The following CACNA2D2 variants were observed in gnomAD, a reference collection of about 807,000 sequenced individuals.
CACNA2D2 encodes the protein calcium voltage-gated channel auxiliary subunit alpha2delta 2.
Under a neutral mutation model 166.4 loss-of-function variants are expected in CACNA2D2, and 48 were observed. The ratio of observed to expected loss-of-function variants is 0.29; its 90% CI spans 0.23 to 0.37. The LOEUF is 0.37. Ranked by LOEUF, CACNA2D2 falls within the 10% of genes least tolerant of loss-of-function variation. The pLI, the probability that CACNA2D2 is intolerant of heterozygous loss-of-function variation, is 1.00. For synonymous variants in CACNA2D2, 561 were observed against 573.7 expected (o/e 0.98, Z 0.32); for missense variants, 1,122 against 1,433.0 (o/e 0.78, Z 3.50).
chr3:50,463,305 C>CT (rs1385188648), intron 2 of CACNA2D2, among the ~76,000 whole-genome samples: 12,942 of 145,714 alleles, frequency 0.089, 704 homozygotes, highest in Non-Finnish European at 0.13. Context: ...CCAAATTTCT[C>CT]TTTTTTTTTT....
At chr3:50,484,934 G>A (rs927273007) in intron 1 of CACNA2D2, among the ~76,000 whole-genome samples, 3 of 152,228 alleles carry the variant, frequency 2.0e-5, no homozygotes, top group African/African-American at 7.2e-5. Flanking sequence ...AGCTTGCGGA[G>A]AGGTTGGCAG....
intron 4 of CACNA2D2, among the ~76,000 whole-genome samples, chr3:50,389,659 T>C (rs1198062034): frequency 6.6e-6 from 1 of 152,240 alleles, no homozygotes; most frequent in Non-Finnish European, 1.5e-5. Context: ...CCAGGGGCTC[T>C]GCTTCTCTAT....
chr3:50,398,222 C>A (rs935502035), intron 3 of CACNA2D2, among the ~76,000 whole-genome samples: 2 of 152,104 alleles, frequency 1.3e-5, no homozygotes, highest in Admixed American at 1.3e-4. Context: ...AAGTGCCTGT[C>A]CCCCTGGGAG....
At chr3:50,424,524 TC>T (rs1234316123) in intron 3 of CACNA2D2, among the ~76,000 whole-genome samples, 1 of 152,070 alleles carries the variant, frequency 6.6e-6, no homozygotes, top group Non-Finnish European at 1.5e-5. Context: ...AAATCCTCCC[TC>T]CTCCCAGGTC....
chr3:50,501,919 A>G (rs1200101508), intron 1 of CACNA2D2, among the ~76,000 whole-genome samples: 3 of 152,006 alleles, frequency 2.0e-5, no homozygotes, highest in East Asian at 3.8e-4. Context: ...CGGTTGACAG[A>G]GGACACGTCC....
intron 2 of CACNA2D2, among the ~76,000 whole-genome samples, chr3:50,461,628 G>A (rs1372091536): frequency 6.6e-6 from 1 of 151,986 alleles, no homozygotes; most frequent in Non-Finnish European, 1.5e-5. Context: ...GGGCGTGGCG[G>A]CGCAGATCTG....
At chr3:50,445,625 T>C (rs369324188) in intron 2 of CACNA2D2, among the ~76,000 whole-genome samples, 1 of 152,324 alleles carries the variant, frequency 6.6e-6, no homozygotes, top group East Asian at 1.9e-4. Flanking sequence ...ACACTAAGGC[T>C]GTGTATAGAC....
At chr3:50,455,095 G>T (rs76195050) in intron 2 of CACNA2D2, among the ~76,000 whole-genome samples, 4,911 of 152,268 alleles carry the variant, frequency 0.032, 260 homozygotes, top group African/African-American at 0.11. Context: ...GCCCTCTCTG[G>T]GCCTTGGTTT....
chr3:50,475,848 T>G (rs1357841789), intron 2 of CACNA2D2, among the ~76,000 whole-genome samples: 2 of 152,102 alleles, frequency 1.3e-5, no homozygotes, highest in African/African-American at 4.8e-5. Context: ...CTCTCCCTCC[T>G]GAAAGCCCAA....
At chr3:50,492,711 A>G (rs1698568649) in intron 1 of CACNA2D2, among the ~76,000 whole-genome samples, 1 of 152,160 alleles carries the variant, frequency 6.6e-6, no homozygotes, top group African/African-American at 2.4e-5. Flanking sequence ...GCCGAGTGAG[A>G]AATAAACCCT....
rs145143753 is a variant in CACNA2D2, at chr3:50,376,691, C to T, written c.1627-503G>A. ...ACCTGGACCTAGCCCTTACCTCCCC[C>T]AGTCAGTTTCTTACTGTACCTGGAG... On this transcript the variant is annotated intron_variant, in intron 17 of 37. Transcript: ENST00000424201. The surrounding 1 kb of genome is among the most constrained non-coding windows in gnomAD (Gnocchi z 4.3). Among the ~76,000 whole-genome samples, 206 of 152,322 alleles carry T rather than the reference C, an allele frequency of 1.4e-3. No homozygotes were observed. The highest frequency in any genetic ancestry group is 3.9e-3 in the African/African-American group (163 of 41,576).
At chr3:50,464,647 G>A (rs1226741313) in intron 2 of CACNA2D2, among the ~76,000 whole-genome samples, 1 of 152,212 alleles carries the variant, frequency 6.6e-6, no homozygotes, top group African/African-American at 2.4e-5. Context: ...CCTTCTTGAT[G>A]CAGAGGATGA....
At chr3:50,412,738 T>C (rs879228333) in intron 3 of CACNA2D2, among the ~76,000 whole-genome samples, 1 of 152,254 alleles carries the variant, frequency 6.6e-6, no homozygotes, top group South Asian at 2.1e-4. Flanking sequence ...GATCAATTTT[T>C]GATGACAGTG....
chr3:50,409,424 C>T (rs951631295), intron 3 of CACNA2D2, among the ~76,000 whole-genome samples: 3 of 152,216 alleles, frequency 2.0e-5, no homozygotes, highest in African/African-American at 7.2e-5. Context: ...GGGCTTTGAA[C>T]AAAAAGTGCT....
chr3:50,502,108 T>C (rs1453205046), intron 1 of CACNA2D2, among the ~76,000 whole-genome samples: 1 of 152,100 alleles, frequency 6.6e-6, no homozygotes, highest in African/African-American at 2.4e-5. Context: ...AACCAGGGGC[T>C]CTTACCCTTG....
Position 50,365,054 on chromosome 3 carries a change from G to T in CACNA2D2, c.3208+21C>A. The T allele has an allele frequency of 6.2e-7, 1 of 1,603,594 alleles. No homozygotes were observed. On this transcript the variant is annotated intron_variant, in intron 36 of 37. Transcript: ENST00000424201. This position sits in a 1 kb window ranked among gnomAD's most constrained non-coding sequence, Gnocchi z 4.5. ...CGGGGCAGAGGGGGAGCGGGCGGCGGGGAGGGCGGGGGCAGGATACAGTGC... is the reference window on the plus strand; with the variant it reads ...CGGGGCAGAGGGGGAGCGGGCGGCGTGGAGGGCGGGGGCAGGATACAGTGC...
Position 50,364,098 on chromosome 3 carries a change from C to T in CACNA2D2, c.*568G>A, listed in dbSNP as rs1158489720. The T allele has an allele frequency of 6.4e-6, 1 of 156,208 alleles. No homozygotes were observed. The highest frequency in any genetic ancestry group is 2.4e-5 in the African/African-American group (1 of 41,504). The allele number at this position is 156,208 out of a possible 1,614,324, so 9.7% of individuals were successfully genotyped here. Reference sequence around the variant, plus strand: ...TATGGGGTAGTGTCTGAACTGGTATCACTGTGACTATCCTGACACCTGGTG... The same window carrying T: ...TATGGGGTAGTGTCTGAACTGGTATTACTGTGACTATCCTGACACCTGGTG... On this transcript the variant is annotated 3_prime_UTR_variant, in exon 38 of 38. Coordinates refer to ENST00000424201, the MANE Select transcript of CACNA2D2 (RefSeq NM_006030.4).
At chr3:50,481,018 AT>A (rs1194027244) in intron 1 of CACNA2D2, among the ~76,000 whole-genome samples, 1 of 106,726 alleles carries the variant, frequency 9.4e-6, no homozygotes, top group Non-Finnish European at 2.0e-5. Flanking sequence ...CCAGTTGTTA[AT>A]TTTATATGTG....
rs890302969 is a variant in CACNA2D2 at position 50,363,463 on chromosome 3, C to T, written c.*1203G>A. ...GGTGTGAAGAGCTGTGCCCAGTCCC[C>T]ACCTGTGTGTGTGTGTGTGTGTGTG... On this transcript the variant is annotated 3_prime_UTR_variant, in exon 38 of 38. Transcript: ENST00000424201. 26 of 367,014 alleles carry T rather than the reference C, an allele frequency of 7.1e-5. No individual in the cohort carries two copies. The highest frequency in any genetic ancestry group is 5.7e-4 in the African/African-American group (24 of 42,150). The allele number at this position is 367,014 out of a possible 1,614,324, so 22.7% of individuals were successfully genotyped here. A position where few individuals can be genotyped will look rare whatever the true frequency, so the allele number is the denominator to read the frequency against.
Sources: gnomAD v4.1 joint callset for allele counts (sites outside exome capture counted in the v4.1 genomes callset) on GRCh38, gnomAD v4.1.1 for gene constraint, Gnocchi (gnomAD v3.1) non-coding constraint, MANE v1.5 for transcripts, NCBI Gene and HGNC (gene_info 2026-07-23, HGNC 2026-07-21) for gene names.